UHRF2: variants seen among roughly 807,000 people sequenced by gnomAD.
UHRF2 encodes ubiquitin like with PHD and ring finger domains 2.
UHRF2 carries 23 observed loss-of-function variants against 96.8 expected under a neutral mutation model. The observed-to-expected ratio is 0.24, with a 90% confidence interval of 0.17 to 0.34. UHRF2 has a LOEUF of 0.34. Among genes scored for constraint, UHRF2 ranks in the 10% least tolerant of loss-of-function variants. The pLI is 1.00. For synonymous variants in UHRF2, 385 were observed against 332.6 expected (o/e 1.16, Z -1.72); for missense variants, 685 against 981.5 (o/e 0.70, Z 4.04).
At chr9:6,442,715 C>T (rs1821248747) in intron 3 of UHRF2, among the ~76,000 whole-genome samples, 1 of 151,344 alleles carries the variant, frequency 6.6e-6, no homozygotes, top group Non-Finnish European at 1.5e-5. Context: ...TGGTCTCGAA[C>T]TCCAGGCTCA....
chr9:6,434,449 C>CTT (rs35206063), intron 3 of UHRF2: 130 of 241,672 alleles, frequency 5.4e-4, no homozygotes, highest in African/African-American at 2.3e-3. Flanking sequence ...ATTAGGTGGG[C>CTT]TTTTTTTGAG....
intron 1 of UHRF2, 52 bp downstream of exon 1, chr9:6,413,695 G>A (rs1383300397): frequency 1.3e-6 from 2 of 1,483,766 alleles, no homozygotes; most frequent in Non-Finnish European, 1.8e-6. Flanking sequence ...GAACAGCTGG[G>A]CTCCTCTGGA....
intron 4 of UHRF2, among the ~76,000 whole-genome samples, chr9:6,468,952 A>G (rs1046806005): frequency 5.9e-5 from 9 of 152,224 alleles, no homozygotes; most frequent in African/African-American, 7.2e-5. Context: ...ATATAAGATA[A>G]TATCTGAAGC....
At chr9:6,494,139 C>T (rs1242999852) in intron 10 of UHRF2, 2 of 503,222 alleles carry the variant, frequency 4.0e-6, no homozygotes, top group African/African-American at 3.9e-5. Flanking sequence ...AATTTCTAGT[C>T]TTACTGAATA....
At chr9:6,464,598 G>C (rs534845126) in intron 4 of UHRF2, among the ~76,000 whole-genome samples, 1 of 152,024 alleles carries the variant, frequency 6.6e-6, no homozygotes, top group Non-Finnish European at 1.5e-5. Flanking sequence ...GTGTGAGTGA[G>C]GTAAGGGTCT....
chr9:6,431,946 A>C (rs10758790), intron 2 of UHRF2, among the ~76,000 whole-genome samples: 1 of 152,024 alleles, frequency 6.6e-6, no homozygotes. Context: ...TTACATTTTG[A>C]TTTGCTGCGA....
chr9:6,450,119 C>G (rs1821764260), intron 3 of UHRF2, among the ~76,000 whole-genome samples: 1 of 152,174 alleles, frequency 6.6e-6, no homozygotes, highest in African/African-American at 2.4e-5. Flanking sequence ...CACTGACATA[C>G]AAAGTGTAAC....
intron 1 of UHRF2, chr9:6,415,006 C>T (rs553680246): frequency 1.3e-5 from 2 of 152,080 alleles, no homozygotes; most frequent in Admixed American, 1.3e-4. Flanking sequence ...TGGCTGATAC[C>T]GTTTCCTTTT....
chr9:6,429,437 C>G (rs1393572521), intron 2 of UHRF2, among the ~76,000 whole-genome samples: 1 of 152,150 alleles, frequency 6.6e-6, no homozygotes, highest in East Asian at 1.9e-4. Context: ...TTCTTTTAGA[C>G]AGAGTCTTGC....
chr9:6,431,683 A>G (rs1378961007), intron 2 of UHRF2, among the ~76,000 whole-genome samples: 1 of 152,230 alleles, frequency 6.6e-6, no homozygotes, highest in Non-Finnish European at 1.5e-5. Flanking sequence ...ATGTTCAAGC[A>G]ATGGCAGTAT....
intron 2 of UHRF2, 28 bp from the exon 3 acceptor site, chr9:6,433,886 T>A: frequency 1.9e-6 from 3 of 1,592,036 alleles, no homozygotes; most frequent in Non-Finnish European, 2.6e-6. Context: ...AAATTAAGCT[T>A]CATTAACTGA....
chr9:6,503,527 A>G (rs928854708), intron 14 of UHRF2, among the ~76,000 whole-genome samples: 9 of 152,160 alleles, frequency 5.9e-5, no homozygotes, highest in Non-Finnish European at 1.3e-4. Flanking sequence ...CTCCTACTGT[A>G]AATAAACATT....
chr9:6,415,688 C>A (rs1819558271), intron 1 of UHRF2: 1 of 152,184 alleles, frequency 6.6e-6, no homozygotes, highest in African/African-American at 2.4e-5. Flanking sequence ...GTACCCGCCC[C>A]CCATACTCCA....
chr9:6,414,059 G>A (rs1199683010), intron 1 of UHRF2: 1 of 158,026 alleles, frequency 6.3e-6, no homozygotes, highest in Non-Finnish European at 1.4e-5. Flanking sequence ...TAACCCGGCT[G>A]AGCGTTCGCC....
At chr9:6,497,049 C>T in intron 10 of UHRF2, 149 bp from the exon 11 acceptor site, 2 of 767,290 alleles carry the variant, frequency 2.6e-6, no homozygotes, top group Non-Finnish European at 4.0e-6. Flanking sequence ...TGGGGGAAAG[C>T]ATAATCCTAT....
At chr9:6,480,628 T>A (rs1250521934) in intron 6 of UHRF2, among the ~76,000 whole-genome samples, 1 of 152,218 alleles carries the variant, frequency 6.6e-6, no homozygotes, top group Non-Finnish European at 1.5e-5. Flanking sequence ...AGAGAGATAA[T>A]ACTTGCTTTA....
At chr9:6,435,856 A>C (rs574542739) in intron 3 of UHRF2, among the ~76,000 whole-genome samples, 1 of 152,092 alleles carries the variant, frequency 6.6e-6, no homozygotes, top group Non-Finnish European at 1.5e-5. Context: ...TGATCCACCC[A>C]CCTTGGCCTC....
intron 13 of UHRF2, 126 bp downstream of exon 13, chr9:6,500,057 T>G: frequency 1.4e-6 from 1 of 700,268 alleles, no homozygotes; most frequent in Non-Finnish European, 2.4e-6. Context: ...ACTGTAGCCT[T>G]GACCTCCTGG....
chr9:6,415,590 A>G (rs2130701133), intron 1 of UHRF2: 1 of 152,346 alleles, frequency 6.6e-6, no homozygotes, highest in South Asian at 2.1e-4. Context: ...CCTCATTGGA[A>G]AAAGGTACCC....
Sources: allele counts gnomAD v4.1 joint callset (sites outside exome capture counted in the v4.1 genomes callset), GRCh38; gene constraint gnomAD v4.1.1; transcripts MANE v1.5; gene names NCBI Gene and HGNC (gene_info 2026-07-23, HGNC 2026-07-21).